CELF6: variants seen among roughly 807,000 people sequenced by gnomAD.
CELF6 encodes Bruno -like 6, RNA binding protein.
A neutral mutation model predicts 53.1 loss-of-function variants in CELF6; 32 were observed. The observed-to-expected ratio is 0.60, with a 90% confidence interval of 0.46 to 0.81. The LOEUF (loss-of-function observed/expected upper bound fraction) is 0.81, where lower values mean the gene tolerates loss of function less well. Among genes scored for constraint, CELF6 ranks in the 30% least tolerant of loss-of-function variants. The pLI, the probability that CELF6 is intolerant of heterozygous loss-of-function variation, is 0.00. For synonymous variants in CELF6, 291 were observed against 288.8 expected (o/e 1.01, Z -0.08); for missense variants, 539 against 669.5 (o/e 0.81, Z 2.15).
intron 3 of CELF6, among the ~76,000 whole-genome samples, chr15:72,297,358 AC>A (rs34662016): frequency 0.043 from 6,559 of 152,072 alleles, 291 homozygotes; most frequent in African/African-American, 0.096. Flanking sequence ...TATGAGCTCC[AC>A]TTTTTTAGGT....
At chr15:72,313,724 T>C (rs1294720501) in intron 2 of CELF6, 1 of 974,362 alleles carries the variant, frequency 1.0e-6, no homozygotes, top group East Asian at 1.1e-4. Context: ...TTACAGCTTG[T>C]CTCATTGACT....
chr15:72,311,438 T>A (rs2088295212), intron 2 of CELF6, among the ~76,000 whole-genome samples: 1 of 150,700 alleles, frequency 6.6e-6, no homozygotes, highest in Non-Finnish European at 1.5e-5. Flanking sequence ...AGTCTCGCTC[T>A]GTCACCCAGG....
rs750459693 is a variant in CELF6, at chr15:72,319,513, T to C, written c.262+100A>G. On this transcript the variant is annotated intron_variant, in intron 1 of 12. Transcript: ENST00000287202. This position sits in a 1 kb window ranked among gnomAD's most constrained non-coding sequence, Gnocchi z 5.0. The stretch of plus-strand genomic sequence containing the variant: ...AGGTGGGGCTGATATTGGACTGGTG[T>C]TGGACTGGCTCTCGGCAGGGCTAGG... 19 of 1,350,116 alleles carry C rather than the reference T, an allele frequency of 1.4e-5. No individual in the cohort carries two copies. Among genetic ancestry groups the C allele is most frequent in the Non-Finnish European group, 1.8e-5 (18 of 1,007,748 alleles). 83.6% of individuals were successfully genotyped at this position (1,350,116 alleles called of 1,614,324 possible).
At chr15:72,305,429 ACTCCTGAC>A (rs2088213204) in intron 2 of CELF6, among the ~76,000 whole-genome samples, 1 of 151,462 alleles carries the variant, frequency 6.6e-6, no homozygotes, top group South Asian at 2.1e-4. Context: ...TTATTCTTGA[ACTCCTGAC>A]CTCAAATGAT....
intron 2 of CELF6, chr15:72,306,286 C>T (rs911312189): frequency 1.0e-6 from 1 of 985,152 alleles, no homozygotes; most frequent in African/African-American, 1.7e-5. Flanking sequence ...AAACAGCGGC[C>T]TTCCCGTTCA....
chr15:72,299,522 G>C (rs1192445873), intron 3 of CELF6, among the ~76,000 whole-genome samples: 1 of 151,730 alleles, frequency 6.6e-6, no homozygotes, highest in Non-Finnish European at 1.5e-5. Context: ...ACCAAGCCCG[G>C]CTAATTTTTT....
In CELF6 at chr15:72,304,734, CAGGGA is replaced by C; in HGVS notation, c.394+7_394+11del. 6.2e-7 allele frequency: 1 copy of C among 1,613,972 alleles called. No homozygotes were observed. Among genetic ancestry groups the C allele is most frequent in the Non-Finnish European group, 8.5e-7 (1 of 1,179,824 alleles). On this transcript the variant is annotated splice_region_variant and intron_variant, in intron 3 of 12. Transcript: ENST00000287202. ...GGGTTGCAGCCTGAGGTTGGTCAGACAGGGAAGTTACCTCCTCGGCCCTCACTGGC... is the reference window on the plus strand; with the variant it reads ...GGGTTGCAGCCTGAGGTTGGTCAGACAGTTACCTCCTCGGCCCTCACTGGC...
intron 2 of CELF6, among the ~76,000 whole-genome samples, chr15:72,307,953 C>T (rs2088251214): frequency 6.6e-6 from 1 of 150,854 alleles, no homozygotes; most frequent in African/African-American, 2.4e-5. Context: ...CAGGGAGCTG[C>T]AATGGCTAGG....
chr15:72,309,125 A>T (rs1354201434), intron 2 of CELF6, among the ~76,000 whole-genome samples: 1 of 152,104 alleles, frequency 6.6e-6, no homozygotes, highest in Non-Finnish European at 1.5e-5. Flanking sequence ...GTTGCCCAGG[A>T]TGGTCTCAAA....
At chr15:72,318,053 G>C (rs893014636) in intron 1 of CELF6, among the ~76,000 whole-genome samples, 1 of 152,104 alleles carries the variant, frequency 6.6e-6, no homozygotes, top group Non-Finnish European at 1.5e-5. Context: ...CTTATTGTAC[G>C]GATGGCCTAC....
Position 72,288,250 on chromosome 15 carries a change from G to A in CELF6, c.1318+58C>T, listed in dbSNP as rs1256428141. On this transcript the variant is annotated intron_variant, in intron 11 of 12. Transcript: ENST00000287202. The surrounding 1 kb of genome is among the most constrained non-coding windows in gnomAD (Gnocchi z 4.6). ...TTATGGAAGGGCAATCGTAGGGTCT[G>A]TAGGAAATCCTTTATAGTCAGAGGT... 1.9e-6 allele frequency: 3 copies of A among 1,566,890 alleles called. No individual in the cohort carries two copies. The highest frequency in any genetic ancestry group is 2.6e-6 in the Non-Finnish European group (3 of 1,137,150).
At chr15:72,313,878 C>T in intron 2 of CELF6, 1 of 282,956 alleles carries the variant, frequency 3.5e-6, no homozygotes. Context: ...TTATTTTCTG[C>T]CAAGAACAGC....
intron 3 of CELF6, among the ~76,000 whole-genome samples, chr15:72,293,628 G>A (rs563368361): frequency 1.3e-5 from 2 of 151,968 alleles, no homozygotes; most frequent in African/African-American, 2.4e-5. Context: ...AATGCCATAT[G>A]GTTGAATGGT....
At position 72,288,049 on chromosome 15, in the gene CELF6, G is replaced by A. The variant is rs556793208; in HGVS notation, c.1318+259C>T. On this transcript the variant is annotated intron_variant, in intron 11 of 12. Transcript: ENST00000287202. This position sits in a 1 kb window ranked among gnomAD's most constrained non-coding sequence, Gnocchi z 4.6. ...GACGGGATTTCGCCATGTTGGCCAG[G>A]CTAGTCCCAAACTCCTGACCTCAAG... Among the ~76,000 whole-genome samples, 99 of 152,270 alleles carry A rather than the reference G, an allele frequency of 6.5e-4. No individual in the cohort carries two copies. The highest frequency in any genetic ancestry group is 7.2e-4 in the Non-Finnish European group (49 of 68,020).
chr15:72,289,699 C>G lies in CELF6; in HGVS notation c.675G>C (p.Gln225His). ...GGAAGGCGCCCAGGTGGCCGGCCAT[C>G]TGCTGCATCCGCCGCAGCGCGCGCT... ...DRERALRRMQ[Q>H]MAGHLGAFHP... The change falls in exon 6 of 13, where the codon CAG becomes CAC. Residue 225 changes from glutamine (Q) to histidine (H), a missense_variant. Physicochemically the swap from Gln to His is conservative, Grantham distance 24. Around this residue, in one of 3 missense-constraint regions of CELF6, gnomAD observed 358 missense variants for 412.8 expected, o/e 0.87. Coordinates refer to ENST00000287202, the MANE Select transcript of CELF6 (RefSeq NM_052840.5). The surrounding 1 kb of genome is among the most constrained non-coding windows in gnomAD (Gnocchi z 7.6). The G allele has an allele frequency of 6.7e-7, 1 of 1,485,498 alleles. No homozygotes were observed. The highest frequency in any genetic ancestry group is 8.9e-7 in the Non-Finnish European group (1 of 1,127,950). The allele number at this position is 1,485,498 out of a possible 1,614,324, so 92.0% of individuals were successfully genotyped here.
At chr15:72,300,069 CAGG>C (rs1439646965) in intron 3 of CELF6, among the ~76,000 whole-genome samples, 2 of 152,104 alleles carry the variant, frequency 1.3e-5, no homozygotes, top group East Asian at 3.8e-4. Context: ...AGTAATACAA[CAGG>C]GGCCGGGCAC....
chr15:72,289,243 G>T lies in CELF6; in HGVS notation c.925C>A (p.Leu309Ile). ...CCATTGACCCCGATGGGCGCCGGAA[G>T]ACCTGGGAGGGTGCCAGGGCCGCTG... is the stretch of plus-strand genomic sequence containing the variant. ...PGSGPGTLPG[L>I]PAPIGVNGFG... The change falls in exon 8 of 13, where the codon CTT becomes ATT. Residue 309 changes from leucine to isoleucine, a missense_variant. This residue lies in a region of CELF6 where 358 missense variants were observed against 412.8 expected (regional missense o/e 0.87). Transcript: ENST00000287202. This position sits in a 1 kb window ranked among gnomAD's most constrained non-coding sequence, Gnocchi z 7.6. 9 of 1,581,118 alleles carry T rather than the reference G, an allele frequency of 5.7e-6. No individual in the cohort carries two copies. Among genetic ancestry groups the T allele is most frequent in the Non-Finnish European group, 7.7e-6 (9 of 1,168,754 alleles).
rs1177687418 is a variant in CELF6, at chr15:72,288,841, C to T, written c.1093+27G>A. 2 of 1,548,264 alleles carry T rather than the reference C, an allele frequency of 1.3e-6. No individual in the cohort carries two copies. The highest frequency in any genetic ancestry group is 1.7e-6 in the Non-Finnish European group (2 of 1,144,724). On this transcript the variant is annotated intron_variant, in intron 9 of 12. Coordinates refer to ENST00000287202, the MANE Select transcript of CELF6 (RefSeq NM_052840.5). The surrounding 1 kb of genome is among the most constrained non-coding windows in gnomAD (Gnocchi z 4.6). ...TTCTTTCTAGGGCCCTTCAACCTCC[C>T]CCAGGCCGCGTAGCGCCAAGTGAAA...
At chr15:72,303,782 A>G (rs1288191543) in intron 3 of CELF6, among the ~76,000 whole-genome samples, 1 of 152,164 alleles carries the variant, frequency 6.6e-6, no homozygotes, top group Non-Finnish European at 1.5e-5. Flanking sequence ...TTGCCTTTAC[A>G]GCTTGGAAGC....
Sources: gnomAD v4.1 joint callset for allele counts (sites outside exome capture counted in the v4.1 genomes callset) on GRCh38, gnomAD v4.1.1 for gene constraint, gnomAD v4.1.1 regional missense constraint, Gnocchi (gnomAD v3.1) non-coding constraint, MANE v1.5 for transcripts, NCBI Gene and HGNC (gene_info 2026-07-23, HGNC 2026-07-21) for gene names.